The following MLIP variants were observed in gnomAD, a reference collection of about 807,000 sequenced individuals.
The protein encoded by MLIP is muscular LMNA-interacting protein.
A neutral mutation model predicts 84.8 loss-of-function variants in MLIP; 79 were observed. That is an observed-to-expected ratio of 0.93 (90% CI 0.78 to 1.12). The LOEUF (loss-of-function observed/expected upper bound fraction) is 1.12, where lower values mean the gene tolerates loss of function less well. MLIP is among the 50% of genes most tolerant of loss of function. The pLI, the probability that MLIP is intolerant of heterozygous loss-of-function variation, is 0.00. For synonymous variants in MLIP, 504 were observed against 463.0 expected, an observed-to-expected ratio of 1.09 and a Z score of -1.14; for missense variants, 1,257 against 1,160.6, an observed-to-expected ratio of 1.08 and a Z score of -1.21.
intron 1 of MLIP, among the ~76,000 whole-genome samples, chr6:54,060,166 G>C (rs1029757475): frequency 3.9e-5 from 6 of 152,148 alleles, no homozygotes; most frequent in African/African-American, 1.4e-4. Flanking sequence ...TCCCTGGAAA[G>C]TCTAGATACC....
chr6:54,074,107 C>T (rs767597985), intron 1 of MLIP, among the ~76,000 whole-genome samples: 3 of 152,272 alleles, frequency 2.0e-5, no homozygotes, highest in African/African-American at 7.2e-5. Flanking sequence ...CAGTTTTAAA[C>T]GCTAAATATC....
chr6:54,171,848 G>A (rs958679247), intron 9 of MLIP, among the ~76,000 whole-genome samples: 1 of 151,310 alleles, frequency 6.6e-6, no homozygotes, highest in Admixed American at 6.6e-5. Context: ...CTTCTCCCAT[G>A]AAAACTAAAA....
intron 1 of MLIP, among the ~76,000 whole-genome samples, chr6:54,095,220 A>C (rs1218693145): frequency 2.0e-5 from 3 of 152,126 alleles, no homozygotes; most frequent in Non-Finnish European, 4.4e-5. Flanking sequence ...AGCCACACAA[A>C]GCGAACTCAC....
intron 1 of MLIP, among the ~76,000 whole-genome samples, chr6:54,120,155 C>T (rs1770309931): frequency 6.6e-6 from 1 of 152,150 alleles, no homozygotes. Context: ...ACAGTACTGT[C>T]TTCTCTTTCT....
chr6:54,223,694 C>T (rs1780377603), intron 11 of MLIP, among the ~76,000 whole-genome samples: 1 of 151,996 alleles, frequency 6.6e-6, no homozygotes, highest in African/African-American at 2.4e-5. Flanking sequence ...TCTTTGGATT[C>T]ACTGAGAGTA....
Position 54,261,702 on chromosome 6 carries a change from T to C in MLIP, c.2977-4248T>C, listed in dbSNP as rs970218695. The C allele has an allele frequency of 9.1e-6, 9 of 985,102 alleles. No homozygotes were observed. In the African/African-American group the frequency reaches 1.4e-4, roughly 15 times the overall value. The allele number at this position is 985,102 out of a possible 1,614,324, so 61.0% of individuals were successfully genotyped here. On this transcript the variant is annotated intron_variant, in intron 13 of 13. Coordinates refer to ENST00000502396, the MANE Select transcript of MLIP (RefSeq NM_001281747.2). ...ATCCCATTCCTCTGACTTTATCCTCTGGATGAGAACATAGAAAAGAGAAAA... is the reference window on the plus strand; with the variant it reads ...ATCCCATTCCTCTGACTTTATCCTCCGGATGAGAACATAGAAAAGAGAAAA...
chr6:54,069,661 TA>T lies in MLIP; in HGVS notation c.63+50577del, dbSNP rs1368755439. ...TGTATTGTTTAGGAAATAATAGCAATAAAAAAAGGCAATATAGACAATTTTT... is the reference window on the plus strand; with the variant it reads ...TGTATTGTTTAGGAAATAATAGCAATAAAAAAGGCAATATAGACAATTTTT... On this transcript the variant is annotated intron_variant, in intron 1 of 12. Coordinates refer to the MLIP transcript ENST00000274897. Among the ~76,000 whole-genome samples, 62 of 99,112 alleles carry T rather than the reference TA, an allele frequency of 6.3e-4. 4 individuals are homozygous for T. Among genetic ancestry groups the T allele is most frequent in the African/African-American group, 1.4e-3 (54 of 38,826 alleles). 65.0% of individuals were successfully genotyped at this position (99,112 alleles called of 152,430 possible). A position where few individuals can be genotyped will look rare whatever the true frequency, so the allele number is the denominator to read the frequency against.
chr6:54,125,240 C>T (rs1188654640), intron 3 of MLIP, among the ~76,000 whole-genome samples: 1 of 151,900 alleles, frequency 6.6e-6, no homozygotes, highest in Non-Finnish European at 1.5e-5. Context: ...ATATTTCAGA[C>T]GTAAGAAAGA....
intron 11 of MLIP, among the ~76,000 whole-genome samples, chr6:54,220,106 C>G (rs1468885094): frequency 6.6e-6 from 1 of 151,892 alleles, no homozygotes; most frequent in Non-Finnish European, 1.5e-5. Flanking sequence ...CATTTCAAAC[C>G]CTGAAAATCT....
chr6:54,119,405 G>A (rs1192765110), intron 1 of MLIP, among the ~76,000 whole-genome samples: 1 of 152,188 alleles, frequency 6.6e-6, no homozygotes, highest in Non-Finnish European at 1.5e-5. Flanking sequence ...GATGAACATG[G>A]ATGTTATGTT....
intron 1 of MLIP, among the ~76,000 whole-genome samples, chr6:54,103,308 T>C (rs1034582710): frequency 6.6e-6 from 1 of 152,174 alleles, no homozygotes; most frequent in Non-Finnish European, 1.5e-5. Context: ...TGAGATATTA[T>C]CTAAATATTG....
At chr6:54,065,776 C>T (rs1766202113) in intron 1 of MLIP, among the ~76,000 whole-genome samples, 1 of 99,368 alleles carries the variant, frequency 1.0e-5, no homozygotes, top group Non-Finnish European at 2.9e-5. Flanking sequence ...CTAGTCAATA[C>T]AAATTTTCAT....
chr6:54,044,636 G>GT (rs11432361), intron 1 of MLIP, among the ~76,000 whole-genome samples: 14,143 of 145,606 alleles, frequency 0.097, 680 homozygotes, highest in South Asian at 0.12. Context: ...CGTGGTAGAC[G>GT]TTTTTTTTTT....
intron 11 of MLIP, among the ~76,000 whole-genome samples, chr6:54,212,570 C>G (rs1779535820): frequency 1.3e-5 from 2 of 152,180 alleles, no homozygotes; most frequent in Non-Finnish European, 2.9e-5. Flanking sequence ...TGTGTGTGCA[C>G]ATGCATGGGC....
chr6:54,111,811 CCCTGTAATG>C (rs1769490678), intron 1 of MLIP, among the ~76,000 whole-genome samples: 2 of 152,086 alleles, frequency 1.3e-5, no homozygotes, highest in African/African-American at 4.8e-5. Flanking sequence ...ATGTAAGATA[CCCTGTAATG>C]CCTTAACAGG....
At chr6:54,053,155 G>A (rs1765468704) in intron 1 of MLIP, among the ~76,000 whole-genome samples, 1 of 152,120 alleles carries the variant, frequency 6.6e-6, no homozygotes, top group Non-Finnish European at 1.5e-5. Context: ...GCAATAGCAG[G>A]ACTTGATCCT....
intron 4 of MLIP, among the ~76,000 whole-genome samples, chr6:54,139,271 A>C (rs1772093246): frequency 6.6e-6 from 1 of 152,224 alleles, no homozygotes; most frequent in Admixed American, 6.5e-5. Flanking sequence ...CTAGAAAACC[A>C]ATATAAGGCA....
chr6:54,214,510 C>T (rs1050664661), intron 11 of MLIP, among the ~76,000 whole-genome samples: 1 of 152,130 alleles, frequency 6.6e-6, no homozygotes, highest in Admixed American at 6.6e-5. Context: ...TGTTGTTTTC[C>T]TCTGTTCCCT....
intron 12 of MLIP, among the ~76,000 whole-genome samples, chr6:54,250,633 G>C (rs1288661616): frequency 6.6e-6 from 1 of 152,132 alleles, no homozygotes; most frequent in East Asian, 1.9e-4. Context: ...CTGAAGTGAA[G>C]TTGATGCATA....
Sources: allele counts gnomAD v4.1 joint callset (sites outside exome capture counted in the v4.1 genomes callset), GRCh38; gene constraint gnomAD v4.1.1; transcripts MANE v1.5; gene names NCBI Gene and HGNC (gene_info 2026-07-23, HGNC 2026-07-21).